Variants in NHSL2 observed in about 807,000 individuals in gnomAD.
NHSL2 encodes NHS-like protein 2.
In NHSL2, 27 loss-of-function variants were observed where a neutral mutation model predicts 53.4. That is an observed-to-expected ratio of 0.51 (90% CI 0.37 to 0.70). The LOEUF (loss-of-function observed/expected upper bound fraction) is 0.70, where lower values mean the gene tolerates loss of function less well. Ranked by LOEUF, NHSL2 falls within the 30% of genes least tolerant of loss-of-function variation. The pLI, the probability that NHSL2 is intolerant of heterozygous loss-of-function variation, is 0.00. For missense variants in NHSL2, 892 were observed against 980.1 expected (o/e 0.91, Z 1.20); for synonymous variants, 408 against 404.1 (o/e 1.01, Z -0.12).
At chrX:72,089,553 A>G (rs1396847366) in intron 1 of NHSL2, among the ~76,000 whole-genome samples, 1 of 111,172 alleles carries the variant, frequency 9.0e-6, no homozygotes, top group Non-Finnish European at 1.9e-5. Context: ...TGAGGGAAGC[A>G]AATTGAATAA....
intron 1 of NHSL2, among the ~76,000 whole-genome samples, chrX:71,924,669 A>G (rs1602261500): frequency 1.8e-5 from 2 of 112,253 alleles, no homozygotes; most frequent in African/African-American, 6.5e-5. Context: ...ATACATTTAG[A>G]TGAATATAAA....
At position 71,963,974 on chromosome X, in the gene NHSL2, C is replaced by CACATAT. The variant is rs1556312124; in HGVS notation, c.280+52608_280+52609insCATATA. Among the ~76,000 whole-genome samples, 33 of 47,973 alleles carry CACATAT rather than the reference C, an allele frequency of 6.9e-4. 1 individual carries two copies. In the Middle Eastern group the frequency reaches 0.032, roughly 47 times the overall value. 41.7% of individuals were successfully genotyped at this position (47,973 alleles called of 115,157 possible). ...CTATATATATACACATATATATATA[C>CACATAT]ATATATATATATATATATGTATATA... is the stretch of plus-strand genomic sequence containing the variant. On this transcript the variant is annotated intron_variant, in intron 1 of 7. Coordinates refer to ENST00000633930, the MANE Select transcript of NHSL2 (RefSeq NM_001013627.3).
At chrX:71,923,531 G>C (rs952505472) in intron 1 of NHSL2, among the ~76,000 whole-genome samples, 8 of 112,048 alleles carry the variant, frequency 7.1e-5, no homozygotes, top group Non-Finnish European at 9.4e-5. Flanking sequence ...TGTAGTGCCA[G>C]GTGCCACCAG....
chrX:72,005,939 G>A (rs1244424690), intron 1 of NHSL2, among the ~76,000 whole-genome samples: 1 of 112,056 alleles, frequency 8.9e-6, no homozygotes, highest in Non-Finnish European at 1.9e-5. Context: ...TTTGGGATAA[G>A]CCCACGTTGA....
At chrX:72,047,238 C>T (rs1050413155) in intron 1 of NHSL2, among the ~76,000 whole-genome samples, 2 of 111,863 alleles carry the variant, frequency 1.8e-5, no homozygotes, top group South Asian at 7.7e-4. Context: ...AGGGTCTCCA[C>T]ACTCATGCTC....
chrX:71,912,473 C>A (rs2041609138), intron 1 of NHSL2, among the ~76,000 whole-genome samples: 1 of 112,413 alleles, frequency 8.9e-6, no homozygotes, highest in African/African-American at 3.2e-5. Flanking sequence ...AAGCTTCCAG[C>A]TAACTTGGGA....
chrX:72,122,910 C>A (rs1454655490), intron 1 of NHSL2, among the ~76,000 whole-genome samples: 1 of 113,032 alleles, frequency 8.8e-6, no homozygotes, highest in African/African-American at 3.2e-5. Flanking sequence ...GCAAAGAGGA[C>A]AAGTCCATGT....
rs767257678 is a variant in NHSL2, at chrX:72,085,047, C to T, written c.281-47032C>T. 8.9e-5 allele frequency among the ~76,000 whole-genome samples: 10 copies of T among 112,127 alleles called. No individual in the cohort carries two copies. In the East Asian group the frequency reaches 1.1e-3, roughly 13 times the overall value. ...GACCAGGTTTCCACAGCACTTTGTT[C>T]GTGCTTTTCTTGGAGGCCTTCTATT... On this transcript the variant is annotated intron_variant, in intron 1 of 7. Transcript: ENST00000633930.
intron 1 of NHSL2, among the ~76,000 whole-genome samples, chrX:72,100,624 G>A (rs7392362): frequency 0.21 from 23,388 of 111,102 alleles, 2,860 homozygotes; most frequent in East Asian, 0.48. Context: ...GATCAGCAGC[G>A]GCATTAGATT....
At chrX:72,025,290 G>T (rs967438036) in intron 1 of NHSL2, among the ~76,000 whole-genome samples, 21 of 112,232 alleles carry the variant, frequency 1.9e-4, no homozygotes, top group Non-Finnish European at 3.8e-4. Context: ...TCCTAGAAAG[G>T]GTCCCTAAGC....
At chrX:72,001,715 C>T (rs763433322) in intron 1 of NHSL2, among the ~76,000 whole-genome samples, 19 of 111,888 alleles carry the variant, frequency 1.7e-4, no homozygotes, top group Middle Eastern at 4.6e-3. Flanking sequence ...CTTGTCTCTA[C>T]CTTCAGTCTT....
intron 1 of NHSL2, among the ~76,000 whole-genome samples, chrX:72,115,311 T>A (rs1427437923): frequency 9.2e-6 from 1 of 108,336 alleles, no homozygotes; most frequent in Non-Finnish European, 1.9e-5. Context: ...AAAGTCAAAT[T>A]TGACTCAGTT....
At chrX:72,018,523 C>CGCCGCTACCGTCGGGG (rs1316888833) in intron 1 of NHSL2, among the ~76,000 whole-genome samples, 3 of 113,070 alleles carry the variant, frequency 2.7e-5, no homozygotes, top group Non-Finnish European at 3.8e-5. Flanking sequence ...AGCGTTGCCG[C>CGCCGCTACCGTCGGGG]GCCGCTACCG....
At chrX:71,938,714 G>A (rs2041751265) in intron 1 of NHSL2, among the ~76,000 whole-genome samples, 2 of 113,006 alleles carry the variant, frequency 1.8e-5, no homozygotes, top group South Asian at 7.2e-4. Flanking sequence ...ATCCTGCCCA[G>A]GAAATGGAGT....
intron 1 of NHSL2, among the ~76,000 whole-genome samples, chrX:72,116,706 A>G (rs1459027008): frequency 9.0e-6 from 1 of 111,112 alleles, no homozygotes; most frequent in East Asian, 2.8e-4. Context: ...GTTAGAAGGG[A>G]GGAGACGTGA....
In NHSL2 at chrX:72,148,914, C is replaced by T. The variant is rs1449539812; in HGVS notation, c.*5340C>T. ...CCAGTGATGTTACTCCTTCAAGCCC[C>T]TGAATCACTATAGCCACGACTCTCC... On this transcript the variant is annotated 3_prime_UTR_variant, in exon 8 of 8. Coordinates refer to ENST00000633930, the MANE Select transcript of NHSL2 (RefSeq NM_001013627.3). 1 of 106,252 alleles carries T rather than the reference C, an allele frequency of 9.4e-6. No homozygotes were observed. Among genetic ancestry groups the T allele is most frequent in the Non-Finnish European group, 1.9e-5 (1 of 51,755 alleles). The allele number at this position is 106,252 out of a possible 1,213,427, so 8.8% of individuals were successfully genotyped here. A position where few individuals can be genotyped will look rare whatever the true frequency, so the allele number is the denominator to read the frequency against.
At chrX:71,974,762 G>A (rs748374732) in intron 1 of NHSL2, among the ~76,000 whole-genome samples, 144 of 111,677 alleles carry the variant, frequency 1.3e-3, no homozygotes, top group Non-Finnish European at 2.4e-3. Context: ...GCAAAAGCTC[G>A]TTTTCCTTCT....
At chrX:71,944,040 A>G (rs1186919895) in intron 1 of NHSL2, among the ~76,000 whole-genome samples, 1 of 111,923 alleles carries the variant, frequency 8.9e-6, no homozygotes, top group Non-Finnish European at 1.9e-5. Context: ...ACTGCCCCTT[A>G]CATTTCATTA....
Position 72,148,357 on chromosome X carries a change from C to G in NHSL2, c.*4783C>G, listed in dbSNP as rs1464498551. On this transcript the variant is annotated 3_prime_UTR_variant, in exon 8 of 8. Transcript: ENST00000633930. ...CCTCCAATAAGCTTACCTTTACAAGCTTCTGCTTTCCCTGCTTCATCTCTG... is the reference window on the plus strand; with the variant it reads ...CCTCCAATAAGCTTACCTTTACAAGGTTCTGCTTTCCCTGCTTCATCTCTG... 9.0e-6 allele frequency: 1 copy of G among 111,332 alleles called. No individual in the cohort carries two copies. Among genetic ancestry groups the G allele is most frequent in the Non-Finnish European group, 1.9e-5 (1 of 53,087 alleles). 9.2% of individuals were successfully genotyped at this position (111,332 alleles called of 1,213,427 possible).
Sources: allele counts gnomAD v4.1 joint callset (sites outside exome capture counted in the v4.1 genomes callset), GRCh38; gene constraint gnomAD v4.1.1; transcripts MANE v1.5; gene names NCBI Gene and HGNC (gene_info 2026-07-23, HGNC 2026-07-21).